Variants in EPB41L2 observed in about 807,000 individuals in gnomAD.
The protein encoded by EPB41L2 is erythrocyte membrane protein band 4.1 like 2.
Under a neutral mutation model 113.0 loss-of-function variants are expected in EPB41L2, and 43 were observed. The ratio of observed to expected loss-of-function variants is 0.38; its 90% CI spans 0.30 to 0.49. EPB41L2 has a LOEUF of 0.49. Ranked by LOEUF, EPB41L2 falls within the 20% of genes least tolerant of loss-of-function variation. The pLI, the probability that EPB41L2 is intolerant of heterozygous loss-of-function variation, is 0.95. For synonymous variants in EPB41L2, 442 were observed against 436.7 expected (o/e 1.01, Z -0.15); for missense variants, 1,147 against 1,223.4 (o/e 0.94, Z 0.93).
At chr6:131,052,177 T>C (rs1357614915) in intron 1 of EPB41L2, among the ~76,000 whole-genome samples, 1 of 152,120 alleles carries the variant, frequency 6.6e-6, no homozygotes, top group Non-Finnish European at 1.5e-5. Context: ...CCTCAGGCAA[T>C]CCAACTGCCT....
At chr6:130,970,123 T>C (rs766705073) in intron 1 of EPB41L2, among the ~76,000 whole-genome samples, 1 of 152,148 alleles carries the variant, frequency 6.6e-6, no homozygotes, top group Non-Finnish European at 1.5e-5. Context: ...CCAGATTCCA[T>C]CTACTCTGTA....
At chr6:130,892,119 C>T (rs768683556) in intron 10 of EPB41L2, among the ~76,000 whole-genome samples, 9 of 152,056 alleles carry the variant, frequency 5.9e-5, no homozygotes, top group Non-Finnish European at 1.2e-4. Flanking sequence ...AATGAGGAGG[C>T]CTGAGGCTTT....
intron 4 of EPB41L2, among the ~76,000 whole-genome samples, chr6:130,922,504 C>T (rs1315109684): frequency 1.3e-5 from 2 of 152,056 alleles, no homozygotes; most frequent in African/African-American, 4.8e-5. Flanking sequence ...GTATTTTTTC[C>T]TTCTCAGTTT....
chr6:131,023,714 C>T lies in EPB41L2; in HGVS notation c.-15+39441G>A, dbSNP rs190898251. On this transcript the variant is annotated intron_variant, in intron 1 of 19. Coordinates refer to ENST00000337057, the MANE Select transcript of EPB41L2 (RefSeq NM_001431.4). ...ACAGAAGAAGAAAAAAAAATGTGTG[C>T]GTGTGTGTGTGTGTGTATATATATC... is the stretch of plus-strand genomic sequence containing the variant. 7.6e-3 allele frequency among the ~76,000 whole-genome samples: 1,084 copies of T among 142,120 alleles called. 22 individuals carry two copies. Among genetic ancestry groups the T allele is most frequent in the African/African-American group, 0.027 (1,039 of 38,290 alleles). 93.2% of individuals were successfully genotyped at this position (142,120 alleles called of 152,430 possible). A position where few individuals can be genotyped will look rare whatever the true frequency, so the allele number is the denominator to read the frequency against.
At chr6:130,908,211 T>C (rs372619593) in intron 5 of EPB41L2, among the ~76,000 whole-genome samples, 9 of 152,206 alleles carry the variant, frequency 5.9e-5, no homozygotes, top group African/African-American at 9.6e-5. Context: ...TGGAGTCATT[T>C]TGGGATTGTA....
chr6:130,863,129 T>A (rs535945439), intron 18 of EPB41L2, among the ~76,000 whole-genome samples: 1 of 152,224 alleles, frequency 6.6e-6, no homozygotes, highest in African/African-American at 2.4e-5. Context: ...TCAGAATCAA[T>A]GTAAATTTTC....
rs545372782 is a variant in EPB41L2 at position 130,908,983 on chromosome 6, C to T, written c.811-120G>A. 9.0e-5 allele frequency: 67 copies of T among 743,478 alleles called. No individual in the cohort carries two copies. In the Middle Eastern group the frequency reaches 2.7e-3, roughly 30 times the overall value. The allele number at this position is 743,478 out of a possible 1,614,324, so 46.1% of individuals were successfully genotyped here. The stretch of plus-strand genomic sequence containing the variant: ...TTTAATAAAGTATTATTCAAAGCAA[C>T]TTGCACCTATCAGCATTCCACTGGG... On this transcript the variant is annotated intron_variant, in intron 4 of 19. Transcript: ENST00000337057.
intron 14 of EPB41L2, 198 bp from the exon 15 acceptor site, chr6:130,870,324 G>A (rs1316772975): frequency 1.3e-6 from 2 of 1,550,686 alleles, no homozygotes; most frequent in Non-Finnish European, 8.7e-7. Context: ...AAAAAGGGGA[G>A]AACCTTAACA....
intron 1 of EPB41L2, among the ~76,000 whole-genome samples, chr6:131,037,321 A>G (rs1325157195): frequency 1.3e-5 from 2 of 152,160 alleles, no homozygotes; most frequent in African/African-American, 2.4e-5. Flanking sequence ...TCAAAATCCA[A>G]CCTGGTAAGT....
At chr6:130,916,426 G>A (rs1231890459) in intron 4 of EPB41L2, among the ~76,000 whole-genome samples, 1 of 151,780 alleles carries the variant, frequency 6.6e-6, no homozygotes, top group East Asian at 1.9e-4. Flanking sequence ...GAAACATCTA[G>A]GGGGAAAAAA....
chr6:130,957,383 C>A (rs1313709226), intron 1 of EPB41L2, among the ~76,000 whole-genome samples: 1 of 152,202 alleles, frequency 6.6e-6, no homozygotes. Context: ...ACATAAAGAA[C>A]AACAGGCGGG....
chr6:131,053,406 CGGGACGAA>C (rs1319729484), intron 1 of EPB41L2, among the ~76,000 whole-genome samples: 7 of 121,824 alleles, frequency 5.7e-5, no homozygotes, highest in Non-Finnish European at 1.1e-4. Flanking sequence ...CATTAGGAGA[CGGGACGAA>C]GGGACGAACA....
chr6:130,923,585 A>G (rs2128546210), intron 4 of EPB41L2, among the ~76,000 whole-genome samples: 1 of 152,314 alleles, frequency 6.6e-6, no homozygotes, highest in Non-Finnish European at 1.5e-5. Flanking sequence ...CCACTCACAC[A>G]TGAGGTTTCT....
intron 1 of EPB41L2, among the ~76,000 whole-genome samples, chr6:130,960,240 T>C (rs1818898160): frequency 6.6e-6 from 1 of 152,212 alleles, no homozygotes; most frequent in African/African-American, 2.4e-5. Context: ...ACAGAGTCCT[T>C]GGCCTAGTAC....
chr6:130,946,960 A>T (rs1457725379), intron 3 of EPB41L2, among the ~76,000 whole-genome samples: 1 of 152,068 alleles, frequency 6.6e-6, no homozygotes, highest in Non-Finnish European at 1.5e-5. Flanking sequence ...ATCACAAAAA[A>T]AAATTATCTA....
intron 1 of EPB41L2, among the ~76,000 whole-genome samples, chr6:131,058,442 G>A (rs1798016289): frequency 1.3e-5 from 2 of 152,080 alleles, no homozygotes; most frequent in South Asian, 4.2e-4. Flanking sequence ...ACAAAACCAG[G>A]AGAAACAATA....
At chr6:131,005,863 C>T (rs977195425) in intron 1 of EPB41L2, among the ~76,000 whole-genome samples, 2 of 152,120 alleles carry the variant, frequency 1.3e-5, no homozygotes, top group Non-Finnish European at 2.9e-5. Context: ...TATGTGATCA[C>T]TCTGATCAAG....
At chr6:130,951,884 C>T (rs1029569303) in intron 3 of EPB41L2, among the ~76,000 whole-genome samples, 1 of 151,942 alleles carries the variant, frequency 6.6e-6, no homozygotes, top group Non-Finnish European at 1.5e-5. Flanking sequence ...ATGAAACCAG[C>T]ATATCCCAGG....
intron 1 of EPB41L2, among the ~76,000 whole-genome samples, chr6:131,050,092 A>C (rs577311586): frequency 1.3e-5 from 2 of 152,312 alleles, no homozygotes; most frequent in South Asian, 4.1e-4. Context: ...TAATCCCAGC[A>C]CTTTGGGAGG....
Sources: gnomAD v4.1 joint callset for allele counts (sites outside exome capture counted in the v4.1 genomes callset) on GRCh38, gnomAD v4.1.1 for gene constraint, MANE v1.5 for transcripts, NCBI Gene and HGNC (gene_info 2026-07-23, HGNC 2026-07-21) for gene names.